Variants in GABBR2 observed in about 807,000 individuals in gnomAD.
GABBR2 encodes gamma-aminobutyric acid type B receptor subunit 2.
In GABBR2, 23 loss-of-function variants were observed where a neutral mutation model predicts 105.6. The ratio of observed to expected loss-of-function variants is 0.22; its 90% confidence interval spans 0.16 to 0.31. The LOEUF (loss-of-function observed/expected upper bound fraction) is 0.31, where lower values mean the gene tolerates loss of function less well. Ranked by LOEUF, GABBR2 falls within the 10% of genes least tolerant of loss-of-function variation. The pLI, the probability that GABBR2 is intolerant of heterozygous loss-of-function variation, is 1.00. For missense variants in GABBR2, 734 were observed against 1,245.5 expected (o/e 0.59, Z 6.18); for synonymous variants, 478 against 499.7 (o/e 0.96, Z 0.58).
At chr9:98,330,132 C>T (rs1335666901) in intron 13 of GABBR2, among the ~76,000 whole-genome samples, 1 of 152,190 alleles carries the variant, frequency 6.6e-6, no homozygotes, top group Non-Finnish European at 1.5e-5. Flanking sequence ...CCTGCATCTA[C>T]TTTCTATCGG....
chr9:98,668,651 A>C (rs551366777), intron 1 of GABBR2, among the ~76,000 whole-genome samples: 4 of 152,134 alleles, frequency 2.6e-5, no homozygotes, highest in Admixed American at 2.6e-4. Flanking sequence ...CTAAGGCTCT[A>C]TACCCATTAA....
chr9:98,599,881 G>C (rs1238489098), intron 1 of GABBR2, among the ~76,000 whole-genome samples: 7 of 152,198 alleles, frequency 4.6e-5, no homozygotes, highest in Admixed American at 3.9e-4. Flanking sequence ...TTTGAGGACT[G>C]ACCAGCCCGG....
chr9:98,676,310 T>TTTTG (rs1830477087), intron 1 of GABBR2, among the ~76,000 whole-genome samples: 1 of 152,232 alleles, frequency 6.6e-6, no homozygotes, highest in Admixed American at 6.5e-5. Flanking sequence ...CCTGACAAGC[T>TTTTG]TTTGACCTTA....
chr9:98,464,528 G>C (rs920449601), intron 6 of GABBR2, among the ~76,000 whole-genome samples: 7 of 151,566 alleles, frequency 4.6e-5, no homozygotes, highest in African/African-American at 1.7e-4. Context: ...TCTGGGAGGT[G>C]GGGGGCGCCT....
At chr9:98,428,406 A>G (rs1330033227) in intron 7 of GABBR2, among the ~76,000 whole-genome samples, 1 of 152,136 alleles carries the variant, frequency 6.6e-6, no homozygotes, top group African/African-American at 2.4e-5. Context: ...CACCTGACCA[A>G]TCTCCTTCCT....
intron 16 of GABBR2, among the ~76,000 whole-genome samples, chr9:98,301,704 A>G (rs946084134): frequency 3.3e-5 from 5 of 152,232 alleles, no homozygotes; most frequent in African/African-American, 1.2e-4. Flanking sequence ...TGGGTTTCCT[A>G]ATGTGACTGA....
At chr9:98,704,684 T>C (rs1425135675) in intron 1 of GABBR2, among the ~76,000 whole-genome samples, 1 of 152,182 alleles carries the variant, frequency 6.6e-6, no homozygotes, top group Non-Finnish European at 1.5e-5. Flanking sequence ...TTTGTGTAGA[T>C]GGATTATGGG....
intron 3 of GABBR2, among the ~76,000 whole-genome samples, chr9:98,522,488 C>T (rs1015916854): frequency 1.2e-4 from 19 of 152,058 alleles, no homozygotes; most frequent in Non-Finnish European, 1.9e-4. Flanking sequence ...GTACAGGCGA[C>T]TAAAAAACTT....
chr9:98,607,050 C>T (rs897462050), intron 1 of GABBR2: 8 of 1,382,190 alleles, frequency 5.8e-6, no homozygotes, highest in Non-Finnish European at 8.2e-6. Flanking sequence ...TCTCCCAAAC[C>T]AAGTATACAG....
At chr9:98,683,670 A>G (rs1025300446) in intron 1 of GABBR2, among the ~76,000 whole-genome samples, 1 of 148,650 alleles carries the variant, frequency 6.7e-6, no homozygotes, top group African/African-American at 2.5e-5. Flanking sequence ...TTTAGAAGAG[A>G]AAAAAAAAAC....
At chr9:98,589,047 G>T (rs1461741662) in intron 1 of GABBR2, among the ~76,000 whole-genome samples, 1 of 152,184 alleles carries the variant, frequency 6.6e-6, no homozygotes, top group Non-Finnish European at 1.5e-5. Flanking sequence ...CTCAGAGGAG[G>T]TCACCCTCTT....
intron 2 of GABBR2, among the ~76,000 whole-genome samples, chr9:98,559,690 C>G (rs1214057951): frequency 2.0e-5 from 3 of 152,104 alleles, no homozygotes; most frequent in Admixed American, 1.3e-4. Flanking sequence ...AATTCCACTT[C>G]TAGGAATTCA....
At chr9:98,361,407 CCA>C (rs1831580690) in intron 13 of GABBR2, among the ~76,000 whole-genome samples, 1 of 152,172 alleles carries the variant, frequency 6.6e-6, no homozygotes, top group Non-Finnish European at 1.5e-5. Context: ...ATTATCACCG[CCA>C]CAGTCTCTCC....
intron 3 of GABBR2, among the ~76,000 whole-genome samples, chr9:98,516,458 G>T (rs958833397): frequency 1.3e-5 from 2 of 152,288 alleles, no homozygotes; most frequent in South Asian, 4.1e-4. Flanking sequence ...ATAGAAACTT[G>T]CCCCAAATCA....
At position 98,361,342 on chromosome 9, in the gene GABBR2, T is replaced by C. The variant is rs114896796; in HGVS notation, c.1893+1373A>G. On this transcript the variant is annotated intron_variant, in intron 13 of 18. Transcript: ENST00000259455. ...GAATTGCTGTGAGGATTAAATGAGT[T>C]AACGCATGATACCAGCTGTCATCAT... 4.7e-3 allele frequency among the ~76,000 whole-genome samples: 708 copies of C among 151,580 alleles called. 7 individuals carry two copies. The highest frequency in any genetic ancestry group is 0.017 in the African/African-American group (686 of 41,044).
intron 11 of GABBR2, among the ~76,000 whole-genome samples, chr9:98,383,215 A>G (rs1832010252): frequency 6.6e-6 from 1 of 152,192 alleles, no homozygotes; most frequent in Non-Finnish European, 1.5e-5. Flanking sequence ...TGCTGGGATT[A>G]TAGGTGTGAG....
At chr9:98,611,275 C>T (rs543127560) in intron 1 of GABBR2, among the ~76,000 whole-genome samples, 2 of 152,214 alleles carry the variant, frequency 1.3e-5, no homozygotes, top group Non-Finnish European at 2.9e-5. Context: ...TACCTTGTCC[C>T]TTGCTCACCC....
At chr9:98,570,272 G>A (rs773629003) in intron 2 of GABBR2, among the ~76,000 whole-genome samples, 1 of 152,198 alleles carries the variant, frequency 6.6e-6, no homozygotes, top group Non-Finnish European at 1.5e-5. Context: ...AGGGGCGGCT[G>A]GGGACAGCGC....
Position 98,554,797 on chromosome 9 carries a change from GA to G in GABBR2, c.460-12755del, listed in dbSNP as rs1564112952. ...TTATTATTTGACGTAAAGAAGATTGGAAAACAACTATTAGTTCCGCAAATCC... is the reference window on the plus strand; with the variant it reads ...TTATTATTTGACGTAAAGAAGATTGGAAACAACTATTAGTTCCGCAAATCC... On this transcript the variant is annotated intron_variant, in intron 2 of 18. Coordinates refer to ENST00000259455, the MANE Select transcript of GABBR2 (RefSeq NM_005458.8). 3.3e-5 allele frequency among the ~76,000 whole-genome samples: 5 copies of G among 152,246 alleles called. No homozygotes were observed. In the East Asian group the frequency reaches 7.7e-4, roughly 23 times the overall value.
Sources: allele counts gnomAD v4.1 joint callset (sites outside exome capture counted in the v4.1 genomes callset), GRCh38; gene constraint gnomAD v4.1.1; transcripts MANE v1.5; gene names NCBI Gene and HGNC (gene_info 2026-07-23, HGNC 2026-07-21).